Variants in APBA2 observed in about 807,000 individuals in gnomAD.
APBA2 encodes the protein amyloid-beta A4 precursor protein-binding family A member 2.
Under a neutral mutation model 75.0 loss-of-function variants are expected in APBA2, and 30 were observed. The observed-to-expected ratio is 0.40, with a 90% confidence interval of 0.30 to 0.54. The LOEUF is 0.54. APBA2 is among the 20% of genes least tolerant of loss of function. APBA2 has a pLI of 0.49. For missense variants in APBA2, 801 were observed against 1,016.1 expected (o/e 0.79, Z 2.88); for synonymous variants, 444 against 409.6 (o/e 1.08, Z -1.01).
At chr15:29,065,896 G>T (rs1169190280) in intron 4 of APBA2, among the ~76,000 whole-genome samples, 2 of 152,202 alleles carry the variant, frequency 1.3e-5, no homozygotes, top group Non-Finnish European at 2.9e-5. Flanking sequence ...TCTGCTGTGG[G>T]TGCAGCCAGA....
intron 1 of APBA2, among the ~76,000 whole-genome samples, chr15:28,892,499 A>G (rs778074570): frequency 8.5e-5 from 13 of 152,184 alleles, no homozygotes; most frequent in African/African-American, 2.9e-4. Flanking sequence ...CCTGGGAGCA[A>G]TGGCCTGTAA....
intron 13 of APBA2, among the ~76,000 whole-genome samples, chr15:29,109,090 C>T (rs867831633): frequency 6.6e-6 from 1 of 152,178 alleles, no homozygotes; most frequent in African/African-American, 2.4e-5. Context: ...GCTGGCAATA[C>T]CCAAATTGTT....
At position 29,117,434 on chromosome 15, in the gene APBA2, T is replaced by G; in HGVS notation, c.*301T>G. ...GGTGTGTCTCGGTAGCTGTGCGTGG[T>G]GTGGAGTGTGTGTCTTTCCTCCCTG... On this transcript the variant is annotated 3_prime_UTR_variant, in exon 15 of 15. Coordinates refer to ENST00000683413, the MANE Select transcript of APBA2 (RefSeq NM_001353788.2). 1 of 469,942 alleles carries G rather than the reference T, an allele frequency of 2.1e-6. No homozygotes were observed. The highest frequency in any genetic ancestry group is 3.9e-6 in the Non-Finnish European group (1 of 255,688). 29.1% of individuals were successfully genotyped at this position (469,942 alleles called of 1,614,324 possible). A position where few individuals can be genotyped will look rare whatever the true frequency, so the allele number is the denominator to read the frequency against.
intron 3 of APBA2, among the ~76,000 whole-genome samples, chr15:29,001,578 A>C (rs1168701370): frequency 2.6e-5 from 4 of 152,206 alleles, no homozygotes; most frequent in Non-Finnish European, 5.9e-5. Context: ...GGGCGGGTAG[A>C]TTGTGAGAAT....
At chr15:28,953,240 A>T (rs1290876706) in intron 2 of APBA2, among the ~76,000 whole-genome samples, 2 of 152,156 alleles carry the variant, frequency 1.3e-5, no homozygotes, top group Non-Finnish European at 2.9e-5. Context: ...AGTTGGCTCA[A>T]AAGTCAGCCC....
chr15:29,063,775 G>A (rs1272265848), intron 4 of APBA2, among the ~76,000 whole-genome samples: 2 of 151,928 alleles, frequency 1.3e-5, no homozygotes, highest in African/African-American at 2.4e-5. Flanking sequence ...GGAGGTGGGT[G>A]GGCAAGTCCC....
At chr15:28,954,680 C>T (rs1319053531) in intron 2 of APBA2, among the ~76,000 whole-genome samples, 3 of 152,184 alleles carry the variant, frequency 2.0e-5, no homozygotes, top group Non-Finnish European at 2.9e-5. Context: ...TTCTTGAAGA[C>T]GGCGCTCACG....
intron 2 of APBA2, among the ~76,000 whole-genome samples, chr15:28,942,740 C>T (rs764858062): frequency 5.9e-5 from 9 of 152,176 alleles, no homozygotes; most frequent in South Asian, 2.1e-4. Flanking sequence ...CCCCAGGACC[C>T]GAGTGAGCGT....
At chr15:29,014,605 C>T (rs937349581) in intron 3 of APBA2, among the ~76,000 whole-genome samples, 15 of 151,932 alleles carry the variant, frequency 9.9e-5, no homozygotes, top group Non-Finnish European at 1.9e-4. Context: ...ACACTTCTAT[C>T]ATTGCAGAAA....
chr15:28,930,828 T>C (rs1386364494), intron 2 of APBA2, among the ~76,000 whole-genome samples: 1 of 152,148 alleles, frequency 6.6e-6, no homozygotes, highest in African/African-American at 2.4e-5. Flanking sequence ...TTGACTGCTC[T>C]CCCTATCCTC....
At chr15:28,902,953 A>G in intron 1 of APBA2, among the ~76,000 whole-genome samples, 1 of 152,194 alleles carries the variant, frequency 6.6e-6, no homozygotes, top group East Asian at 1.9e-4. Flanking sequence ...TGGGTGCTTG[A>G]AAATGACCGG....
chr15:29,033,395 T>C (rs1290533358), intron 3 of APBA2, among the ~76,000 whole-genome samples: 3 of 152,156 alleles, frequency 2.0e-5, no homozygotes, highest in Non-Finnish European at 4.4e-5. Flanking sequence ...CTTAAACCCC[T>C]GATTCAAAAC....
At chr15:29,030,357 G>C (rs1365139948) in intron 3 of APBA2, among the ~76,000 whole-genome samples, 2 of 152,044 alleles carry the variant, frequency 1.3e-5, no homozygotes, top group Non-Finnish European at 2.9e-5. Context: ...AGCTACTCGG[G>C]AGGCTGAGGC....
chr15:28,931,000 C>G (rs1230491675), intron 2 of APBA2, among the ~76,000 whole-genome samples: 1 of 152,220 alleles, frequency 6.6e-6, no homozygotes, highest in Non-Finnish European at 1.5e-5. Context: ...TCTCAGGAAA[C>G]TCGGGTGCCG....
Position 28,972,021 on chromosome 15 carries a change from A to G in APBA2, c.-94-23732A>G, listed in dbSNP as rs144147735. 2.6e-5 allele frequency among the ~76,000 whole-genome samples: 4 copies of G among 152,376 alleles called. No homozygotes were observed. In the East Asian group the frequency reaches 7.7e-4, roughly 29 times the overall value. The stretch of plus-strand genomic sequence containing the variant: ...ACACCATGAGCCAGCTCTTCATAAA[A>G]TAAGACTGGAAATGGATAAACAACG... On this transcript the variant is annotated intron_variant, in intron 2 of 14. Coordinates refer to ENST00000683413, the MANE Select transcript of APBA2 (RefSeq NM_001353788.2).
chr15:29,011,833 A>G (rs772870634), intron 3 of APBA2, among the ~76,000 whole-genome samples: 2 of 152,170 alleles, frequency 1.3e-5, no homozygotes, highest in Non-Finnish European at 2.9e-5. Flanking sequence ...TTTTGAGTGC[A>G]TTTAACTAGA....
intron 13 of APBA2, chr15:29,108,755 A>G (rs902281): frequency 1 from 386,450 of 388,088 alleles, 192,431 homozygotes; most frequent in Middle Eastern, 1. Flanking sequence ...ACGTTCACTC[A>G]TTCATTCATT....
intron 2 of APBA2, among the ~76,000 whole-genome samples, chr15:28,955,920 C>T (rs551624125): frequency 5.9e-5 from 9 of 152,266 alleles, no homozygotes; most frequent in Admixed American, 1.3e-4. Context: ...CAGGCAGGGC[C>T]GTGGACCCGT....
intron 2 of APBA2, among the ~76,000 whole-genome samples, chr15:28,956,810 G>A (rs2152731085): frequency 6.6e-6 from 1 of 152,176 alleles, no homozygotes; most frequent in East Asian, 1.9e-4. Flanking sequence ...TCGTATGAGA[G>A]CAATTGTATA....
Sources: allele counts gnomAD v4.1 joint callset (sites outside exome capture counted in the v4.1 genomes callset), GRCh38; gene constraint gnomAD v4.1.1; transcripts MANE v1.5; gene names NCBI Gene and HGNC (gene_info 2026-07-23, HGNC 2026-07-21).